CNTLN: variants seen among roughly 807,000 people sequenced by gnomAD.
CNTLN encodes the protein centlein.
Under a neutral mutation model 180.0 loss-of-function variants are expected in CNTLN, and 212 were observed. That is an observed-to-expected ratio of 1.18 (90% CI 1.05 to 1.32). The LOEUF (loss-of-function observed/expected upper bound fraction) is 1.32, where lower values mean the gene tolerates loss of function less well. Among genes scored for constraint, CNTLN ranks in the 40% most tolerant of loss-of-function variants. The pLI is 0.00. For synonymous variants in CNTLN, 722 were observed against 563.1 expected (o/e 1.28, Z -3.99); for missense variants, 2,095 against 1,610.9 (o/e 1.30, Z -5.14).
chr9:17,402,003 A>C (rs778970807), intron 15 of CNTLN, among the ~76,000 whole-genome samples: 1 of 151,840 alleles, frequency 6.6e-6, no homozygotes, highest in African/African-American at 2.4e-5. Flanking sequence ...ATGGACAGGA[A>C]ATATTAATGG....
the CNTLN span, among the ~76,000 whole-genome samples, chr9:17,524,415 G>A: frequency 3.3e-5 from 5 of 152,136 alleles, no homozygotes; most frequent in South Asian, 1.0e-3. Context: ...TAGCCTTTTT[G>A]TTGTATTAGG....
chr9:17,293,918 G>C (rs189670281), intron 6 of CNTLN, among the ~76,000 whole-genome samples: 9 of 152,140 alleles, frequency 5.9e-5, no homozygotes, highest in Non-Finnish European at 1.3e-4. Flanking sequence ...TGGAAAAAGC[G>C]TGGTTTCCCA....
intron 2 of CNTLN, among the ~76,000 whole-genome samples, chr9:17,170,297 T>G (rs558024863): frequency 1.3e-5 from 2 of 152,286 alleles, no homozygotes; most frequent in African/African-American, 4.8e-5. Flanking sequence ...GGAAGGAGTC[T>G]TTAATTTTCT....
At chr9:17,251,608 T>C (rs2132278265) in intron 5 of CNTLN, among the ~76,000 whole-genome samples, 1 of 152,038 alleles carries the variant, frequency 6.6e-6, no homozygotes, top group East Asian at 1.9e-4. Flanking sequence ...TTTTTCCCTT[T>C]CATTGATATG....
intron 12 of CNTLN, among the ~76,000 whole-genome samples, chr9:17,361,577 C>T (rs1444405210): frequency 6.6e-6 from 1 of 152,194 alleles, no homozygotes; most frequent in Admixed American, 6.5e-5. Flanking sequence ...AATTCTTATG[C>T]AGATTTCTTT....
chr9:17,442,936 T>C (rs1025284289), intron 18 of CNTLN, among the ~76,000 whole-genome samples: 1 of 151,916 alleles, frequency 6.6e-6, no homozygotes, highest in Non-Finnish European at 1.5e-5. Flanking sequence ...TAAATATCTG[T>C]TCATGATAAA....
intron 13 of CNTLN, among the ~76,000 whole-genome samples, chr9:17,375,426 A>C (rs1824678464): frequency 6.6e-6 from 1 of 152,218 alleles, no homozygotes; most frequent in Non-Finnish European, 1.5e-5. Context: ...TAAGTGCTTG[A>C]GGTGATGGAT....
At chr9:17,407,685 T>C (rs1399550007) in intron 15 of CNTLN, among the ~76,000 whole-genome samples, 3 of 152,206 alleles carry the variant, frequency 2.0e-5, no homozygotes, top group Non-Finnish European at 2.9e-5. Context: ...CTTGAGTCTA[T>C]AGTATGATGT....
intron 2 of CNTLN, among the ~76,000 whole-genome samples, chr9:17,169,210 G>C (rs1373431916): frequency 1.3e-5 from 2 of 152,022 alleles, no homozygotes; most frequent in African/African-American, 4.8e-5. Context: ...GTTTTGCCAG[G>C]CTGTTCTTGA....
At chr9:17,141,139 A>C (rs1818060074) in intron 1 of CNTLN, among the ~76,000 whole-genome samples, 1 of 152,236 alleles carries the variant, frequency 6.6e-6, no homozygotes, top group Non-Finnish European at 1.5e-5. Context: ...ATAACCCATA[A>C]GGCAAGGGAG....
intron 7 of CNTLN, among the ~76,000 whole-genome samples, chr9:17,303,934 A>C (rs1818536818): frequency 6.6e-6 from 1 of 152,170 alleles, no homozygotes; most frequent in Admixed American, 6.6e-5. Flanking sequence ...TTTAAGAATC[A>C]GATCTTAGTT....
At chr9:17,473,628 A>C (rs1301893445) in intron 23 of CNTLN, among the ~76,000 whole-genome samples, 1 of 151,594 alleles carries the variant, frequency 6.6e-6, no homozygotes, top group Non-Finnish European at 1.5e-5. Flanking sequence ...ACAACCCTTC[A>C]TTTGACTCTG....
chr9:17,466,998 CAG>C (rs1165968314), intron 23 of CNTLN, 107 bp downstream of exon 23: 2 of 649,136 alleles, frequency 3.1e-6, no homozygotes, highest in Non-Finnish European at 5.1e-6. Flanking sequence ...TTTCCTAACA[CAG>C]AAAGCATCTT....
intron 18 of CNTLN, among the ~76,000 whole-genome samples, chr9:17,457,162 C>G (rs916003738): frequency 2.0e-5 from 3 of 152,110 alleles, no homozygotes; most frequent in South Asian, 2.1e-4. Flanking sequence ...TTGTCCTGCT[C>G]CAGCTTGGCT....
At chr9:17,175,088 A>T (rs1232845980) in intron 2 of CNTLN, among the ~76,000 whole-genome samples, 1 of 152,156 alleles carries the variant, frequency 6.6e-6, no homozygotes, top group Non-Finnish European at 1.5e-5. Flanking sequence ...CCCAGTCTAT[A>T]GCTTGTGTTT....
Position 17,464,686 on chromosome 9 carries a change from CACAA to C in CNTLN, c.3531+67_3531+70del, listed in dbSNP as rs1382319914. On this transcript the variant is annotated intron_variant, in intron 21 of 25. Transcript: ENST00000380647. ...CTTCCTGTTGTAATTACTCTCTTAC[CACAA>C]ACATTTAATCCTAATAAATGTATAG... The C allele has an allele frequency of 1.4e-5, 14 of 1,022,874 alleles. No homozygotes were observed. In the Middle Eastern group the frequency reaches 1.0e-3, roughly 75 times the overall value. 63.4% of individuals were successfully genotyped at this position (1,022,874 alleles called of 1,614,324 possible).
At chr9:17,168,281 C>T (rs1164793644) in intron 2 of CNTLN, 3 of 152,050 alleles carry the variant, frequency 2.0e-5, no homozygotes, top group South Asian at 2.1e-4. Flanking sequence ...TAGATCCAAG[C>T]GCTATCAATG....
intron 2 of CNTLN, among the ~76,000 whole-genome samples, chr9:17,195,999 G>A (rs574831684): frequency 1.3e-5 from 2 of 152,106 alleles, no homozygotes; most frequent in African/African-American, 4.8e-5. Flanking sequence ...AGAATTAAAA[G>A]TCATATAGAT....
At chr9:17,187,550 C>A (rs559898378) in intron 2 of CNTLN, among the ~76,000 whole-genome samples, 15 of 152,000 alleles carry the variant, frequency 9.9e-5, no homozygotes, top group African/African-American at 3.6e-4. Context: ...AGTATTTTTT[C>A]TGTGCAAATA....
Sources: gnomAD v4.1 joint callset for allele counts (sites outside exome capture counted in the v4.1 genomes callset) on GRCh38, gnomAD v4.1.1 for gene constraint, MANE v1.5 for transcripts, NCBI Gene and HGNC (gene_info 2026-07-23, HGNC 2026-07-21) for gene names.